The following NAV2 variants were observed in gnomAD, a reference collection of about 807,000 sequenced individuals.
NAV2 encodes helicase, APC down-regulated 1.
NAV2 carries 54 observed loss-of-function variants against 223.2 expected under a neutral mutation model. The observed-to-expected ratio is 0.24, with a 90% CI of 0.19 to 0.30. NAV2 has a LOEUF of 0.30. Ranked by LOEUF, NAV2 falls within the 10% of genes least tolerant of loss-of-function variation. The probability of loss-of-function intolerance (pLI) is 1.00; values close to 1 mark genes in which losing one functional copy is unlikely to be tolerated. For synonymous variants in NAV2, 1,279 were observed against 1,239.3 expected, an observed-to-expected ratio of 1.03 and a Z score of -0.67; for missense variants, 2,806 against 3,147.5, an observed-to-expected ratio of 0.89 and a Z score of 2.60.
intron 9 of NAV2, among the ~76,000 whole-genome samples, chr11:19,947,358 C>T (rs1221223355): frequency 1.3e-5 from 2 of 152,160 alleles, no homozygotes; most frequent in African/African-American, 4.8e-5. Flanking sequence ...GCTTAAGGGA[C>T]CAAATTGGCT....
chr11:20,055,419 A>G (rs2058304258), intron 18 of NAV2, among the ~76,000 whole-genome samples: 1 of 152,208 alleles, frequency 6.6e-6, no homozygotes, highest in Admixed American at 6.5e-5. Context: ...CATCTGATCA[A>G]AAGCCTGATT....
intron 1 of NAV2, among the ~76,000 whole-genome samples, chr11:19,747,879 C>T (rs918045348): frequency 3.3e-5 from 5 of 152,194 alleles, no homozygotes; most frequent in South Asian, 2.1e-4. Flanking sequence ...CAGGAGCTTC[C>T]GGCCCAGGTA....
chr11:19,716,042 A>T (rs978077692), intron 1 of NAV2, among the ~76,000 whole-genome samples: 4 of 149,734 alleles, frequency 2.7e-5, no homozygotes, highest in Non-Finnish European at 4.5e-5. Flanking sequence ...AGTCTGCCTG[A>T]TAGGGTACCC....
At chr11:19,407,548 C>T (rs530171525) in intron 1 of NAV2, among the ~76,000 whole-genome samples, 46 of 152,226 alleles carry the variant, frequency 3.0e-4, no homozygotes, top group Non-Finnish European at 4.9e-4. Context: ...GTTTGACGTT[C>T]ACCAGTGGAC....
intron 1 of NAV2, among the ~76,000 whole-genome samples, chr11:19,523,764 CCTT>C (rs2043751570): frequency 6.6e-6 from 1 of 152,210 alleles, no homozygotes; most frequent in Non-Finnish European, 1.5e-5. Context: ...CTGCACCCCA[CCTT>C]CTTCTCCAGC....
intron 3 of NAV2, among the ~76,000 whole-genome samples, chr11:19,868,316 A>G (rs537793883): frequency 6.6e-6 from 1 of 152,296 alleles, no homozygotes; most frequent in East Asian, 1.9e-4. Flanking sequence ...GGAAGGCTGG[A>G]CACTGGCTTG....
At chr11:19,460,184 T>C (rs187195822) in intron 1 of NAV2, among the ~76,000 whole-genome samples, 2 of 152,346 alleles carry the variant, frequency 1.3e-5, no homozygotes, top group African/African-American at 4.8e-5. Context: ...CTAGTTTCTT[T>C]CCTTTTTCCT....
At chr11:20,101,423 C>T (rs766622720) in intron 32 of NAV2, among the ~76,000 whole-genome samples, 1 of 152,116 alleles carries the variant, frequency 6.6e-6, no homozygotes, top group Non-Finnish European at 1.5e-5. Context: ...TTGCAATTTA[C>T]CAAGAATTTA....
chr11:20,006,300 G>T (rs933349136), intron 11 of NAV2, among the ~76,000 whole-genome samples: 9 of 152,222 alleles, frequency 5.9e-5, no homozygotes, highest in Admixed American at 2.0e-4. Flanking sequence ...GTTCCCACAG[G>T]TCATGCCAGC....
In NAV2 at chr11:19,966,520, G is replaced by A. The variant is rs111384814; in HGVS notation, c.2645+17440G>A. On this transcript the variant is annotated intron_variant, in intron 10 of 37. Transcript: ENST00000349880. Reference sequence around the variant, plus strand: ...TCCTTCATCCCCTCACTGACCACCCGTCCTCTCCCCACCCCAGCTGCCATC... The same window carrying A: ...TCCTTCATCCCCTCACTGACCACCCATCCTCTCCCCACCCCAGCTGCCATC... 6.1e-3 allele frequency among the ~76,000 whole-genome samples: 927 copies of A among 151,990 alleles called. 7 individuals are homozygous for A. The highest frequency in any genetic ancestry group is 0.021 in the African/African-American group (871 of 41,454).
At chr11:19,415,058 A>T (rs572222477) in intron 1 of NAV2, among the ~76,000 whole-genome samples, 1 of 152,194 alleles carries the variant, frequency 6.6e-6, no homozygotes, top group South Asian at 2.1e-4. Flanking sequence ...GAGCAAAAAA[A>T]TTCAAAAACT....
chr11:19,607,009 C>G (rs1193485217), intron 1 of NAV2, among the ~76,000 whole-genome samples: 1 of 152,208 alleles, frequency 6.6e-6, no homozygotes, highest in Non-Finnish European at 1.5e-5. Flanking sequence ...ACCTTCCACA[C>G]CGTATGGGCC....
chr11:19,844,472 A>G (rs1045106997), intron 3 of NAV2, among the ~76,000 whole-genome samples: 2 of 152,214 alleles, frequency 1.3e-5, no homozygotes, highest in African/African-American at 4.8e-5. Flanking sequence ...CCCTAATCTG[A>G]AATATCTGGG....
In NAV2 at chr11:19,652,076, A is replaced by G. The variant is rs528535670; in HGVS notation, c.76-180408A>G. ...CTGGAGCAAGGAGTGACCTTATTTC[A>G]TAATAACTCGGATGCACAGTGATTA... On this transcript the variant is annotated intron_variant, in intron 1 of 37. Transcript: ENST00000360655. Among the ~76,000 whole-genome samples the G allele has an allele frequency of 9.2e-5, 14 of 152,310 alleles. No individual in the cohort carries two copies. In the South Asian group the frequency reaches 2.9e-3, roughly 32 times the overall value.
exon 1 of NAV2, chr11:19,350,856 T>G (rs1202971073): frequency 1.6e-6 from 2 of 1,217,674 alleles, no homozygotes; most frequent in Non-Finnish European, 2.4e-6. Context: ...GGGAACTCTG[T>G]CTGGCTGTTG....
chr11:19,683,409 G>T lies in NAV2; in HGVS notation c.76-149075G>T, dbSNP rs532154972. Among the ~76,000 whole-genome samples, 8 of 152,350 alleles carry T rather than the reference G, an allele frequency of 5.3e-5. No individual in the cohort carries two copies. In the South Asian group the frequency reaches 1.5e-3, roughly 28 times the overall value. On this transcript the variant is annotated intron_variant, in intron 1 of 37. Transcript: ENST00000360655. The stretch of plus-strand genomic sequence containing the variant: ...GGGTCACCTTCTTTTTTAGCTGCTT[G>T]TGTCCTAGCAAGGACTGAATTTTTA...
chr11:19,546,388 G>T lies in NAV2; in HGVS notation c.75+195361G>T, dbSNP rs78775818. 6.2e-3 allele frequency among the ~76,000 whole-genome samples: 946 copies of T among 152,312 alleles called. 6 individuals carry two copies. Among genetic ancestry groups the T allele is most frequent in the African/African-American group, 0.022 (912 of 41,576 alleles). The stretch of plus-strand genomic sequence containing the variant: ...GTGACCAATGGAGGCCCCATGCTGG[G>T]GCCCTGGGTGTGGGGCCCAGATGGC... On this transcript the variant is annotated intron_variant, in intron 1 of 37. Transcript: ENST00000360655.
chr11:19,871,066 G>A (rs1434884459), intron 4 of NAV2, among the ~76,000 whole-genome samples: 4 of 152,168 alleles, frequency 2.6e-5, no homozygotes, highest in African/African-American at 9.7e-5. Context: ...GCATACCATA[G>A]CCAGTGTGCT....
At chr11:19,747,684 T>TC (rs141428722) in intron 1 of NAV2, among the ~76,000 whole-genome samples, 1,717 of 152,264 alleles carry the variant, frequency 0.011, 35 homozygotes, top group African/African-American at 0.039. Flanking sequence ...CGTCCTCTGC[T>TC]CCCCCTGACT....
Sources: gnomAD v4.1 joint callset for allele counts (sites outside exome capture counted in the v4.1 genomes callset) on GRCh38, gnomAD v4.1.1 for gene constraint, MANE v1.5 for transcripts, NCBI Gene and HGNC (gene_info 2026-07-23, HGNC 2026-07-21) for gene names.